Variants in CLPB observed in about 807,000 individuals in gnomAD.
CLPB encodes the protein ClpB family mitochondrial disaggregase.
CLPB carries 40 observed loss-of-function variants against 78.4 expected under a neutral mutation model. That is an observed-to-expected ratio of 0.51 (90% CI 0.40 to 0.66). The LOEUF is 0.66. Ranked by LOEUF, CLPB falls within the 30% of genes least tolerant of loss-of-function variation. The pLI, the probability that CLPB is intolerant of heterozygous loss-of-function variation, is 0.00. For synonymous variants in CLPB, 333 were observed against 348.0 expected (o/e 0.96, Z 0.48); for missense variants, 780 against 886.9 (o/e 0.88, Z 1.53).
intron 5 of CLPB, chr11:72,354,160 C>G: frequency 2.7e-6 from 1 of 366,196 alleles, no homozygotes; most frequent in East Asian, 3.9e-5. Flanking sequence ...AAGATCCTGA[C>G]TCCAATATTC....
rs1949403250 is a variant in CLPB, at chr11:72,287,395, C to T, written c.*5972G>A. ...GCACAGTCTTGGCTCACTGCAACCTCTGCCTCCTGGGCTTAAACCATCTTC... is the reference window on the plus strand; with the variant it reads ...GCACAGTCTTGGCTCACTGCAACCTTTGCCTCCTGGGCTTAAACCATCTTC... On this transcript the variant is annotated 3_prime_UTR_variant, in exon 16 of 16. Transcript: ENST00000538039. 6.6e-6 allele frequency: 1 copy of T among 152,238 alleles called. No individual in the cohort carries two copies. The highest frequency in any genetic ancestry group is 2.4e-5 in the African/African-American group (1 of 41,464). 9.4% of individuals were successfully genotyped at this position (152,238 alleles called of 1,614,324 possible).
chr11:72,380,654 C>T (rs542267452), intron 3 of CLPB, among the ~76,000 whole-genome samples: 1 of 152,176 alleles, frequency 6.6e-6, no homozygotes, highest in Non-Finnish European at 1.5e-5. Flanking sequence ...GTCTGGGCAA[C>T]ATAGTGAAAC....
intron 2 of CLPB, among the ~76,000 whole-genome samples, chr11:72,406,283 C>T (rs903715367): frequency 6.6e-6 from 1 of 152,042 alleles, no homozygotes; most frequent in African/African-American, 2.4e-5. Context: ...CCCATGTTCC[C>T]CTGCCTGGAC....
At chr11:72,301,771 C>T (rs761989244) in intron 11 of CLPB, 32 bp downstream of exon 11, 1 of 1,604,800 alleles carries the variant, frequency 6.2e-7, no homozygotes, top group Non-Finnish European at 8.5e-7. Flanking sequence ...TCCAGGTGTC[C>T]CCCCGCTCCA....
chr11:72,318,057 T>C (rs1319202163), intron 6 of CLPB, among the ~76,000 whole-genome samples: 2 of 152,252 alleles, frequency 1.3e-5, no homozygotes, highest in African/African-American at 4.8e-5. Flanking sequence ...TAGCACTGTA[T>C]CTTTCACTAA....
chr11:72,315,245 G>C (rs921162043), intron 7 of CLPB, among the ~76,000 whole-genome samples: 12 of 152,180 alleles, frequency 7.9e-5, no homozygotes, highest in African/African-American at 2.2e-4. Flanking sequence ...AGGCTGGGGA[G>C]GGGGAGGAGT....
intron 6 of CLPB, among the ~76,000 whole-genome samples, chr11:72,323,287 G>A (rs1014837615): frequency 2.6e-5 from 4 of 152,140 alleles, no homozygotes; most frequent in African/African-American, 7.2e-5. Flanking sequence ...TGTCAAGGTC[G>A]GCTGGGCGTG....
intron 7 of CLPB, among the ~76,000 whole-genome samples, chr11:72,311,864 G>A (rs768160766): frequency 6.6e-6 from 1 of 152,242 alleles, no homozygotes; most frequent in Non-Finnish European, 1.5e-5. Context: ...AGCAGGTAGT[G>A]CCGGGTGCCC....
At chr11:72,342,861 G>A (rs1383995387) in intron 5 of CLPB, among the ~76,000 whole-genome samples, 3 of 152,186 alleles carry the variant, frequency 2.0e-5, no homozygotes, top group Admixed American at 1.3e-4. Flanking sequence ...CTTCAAACAT[G>A]CTAATCCTAC....
chr11:72,434,091 G>A lies in CLPB; in HGVS notation c.384C>T (p.Ser128=), dbSNP rs745934487. 1 of 1,611,164 alleles carries A rather than the reference G, an allele frequency of 6.2e-7. No homozygotes were observed. The highest frequency in any genetic ancestry group is 8.5e-7 in the Non-Finnish European group (1 of 1,179,998). The change falls in exon 1 of 16, where the codon AGC becomes AGT. Residue 128 remains serine (S), a synonymous_variant. Transcript: ENST00000538039. ...LAAALVVHCY[S]KSPSNKDAAL... Reference sequence around the variant, plus strand: ...AATCACCCTTGTTGGACGGACTCTTGCTGTAGCAATGAACCACCAGCGCTG... The same window carrying A: ...AATCACCCTTGTTGGACGGACTCTTACTGTAGCAATGAACCACCAGCGCTG...
chr11:72,342,492 C>T (rs142177326), intron 5 of CLPB, among the ~76,000 whole-genome samples: 5 of 152,102 alleles, frequency 3.3e-5, no homozygotes, highest in Non-Finnish European at 5.9e-5. Context: ...AAAATGTTCA[C>T]GACTTTCCTG....
chr11:72,324,766 A>G (rs1950102649), intron 6 of CLPB, among the ~76,000 whole-genome samples: 1 of 152,084 alleles, frequency 6.6e-6, no homozygotes, highest in South Asian at 2.1e-4. Flanking sequence ...GGGAGGAAGA[A>G]CATAATCCTC....
intron 4 of CLPB, among the ~76,000 whole-genome samples, chr11:72,360,878 G>T (rs936532146): frequency 3.9e-5 from 6 of 152,108 alleles, no homozygotes; most frequent in Non-Finnish European, 8.8e-5. Flanking sequence ...GAGGCTCAGA[G>T]GTCACATAGC....
intron 9 of CLPB, among the ~76,000 whole-genome samples, chr11:72,305,973 A>G (rs1161610617): frequency 6.6e-6 from 1 of 152,230 alleles, no homozygotes; most frequent in Non-Finnish European, 1.5e-5. Context: ...GCCCATAACT[A>G]CATCTTCCCT....
chr11:72,293,232 G>C lies in CLPB; in HGVS notation c.*135C>G. 1 of 1,114,778 alleles carries C rather than the reference G, an allele frequency of 9.0e-7. No individual in the cohort carries two copies. The highest frequency in any genetic ancestry group is 1.3e-6 in the Non-Finnish European group (1 of 782,838). The allele number at this position is 1,114,778 out of a possible 1,614,324, so 69.1% of individuals were successfully genotyped here. On this transcript the variant is annotated 3_prime_UTR_variant, in exon 16 of 16. Transcript: ENST00000538039. ...TTGGGGCTGAGAAGGGGTCTTCATG[G>C]GCTGTGAGGAGGTAAGCAGGCCTGA...
intron 3 of CLPB, among the ~76,000 whole-genome samples, chr11:72,399,073 C>A (rs1855491482): frequency 1.3e-5 from 2 of 149,932 alleles, no homozygotes; most frequent in Admixed American, 1.3e-4. Flanking sequence ...ATATATAAAA[C>A]CATAAATATA....
At chr11:72,377,189 A>G (rs539808666) in intron 4 of CLPB, among the ~76,000 whole-genome samples, 20 of 152,228 alleles carry the variant, frequency 1.3e-4, no homozygotes, top group Non-Finnish European at 2.2e-4. Context: ...GGAGGATGGA[A>G]AAGAATGAAG....
chr11:72,380,122 G>A (rs1854860087), intron 4 of CLPB, among the ~76,000 whole-genome samples, 159 bp downstream of exon 4: 1 of 152,164 alleles, frequency 6.6e-6, no homozygotes, highest in East Asian at 1.9e-4. Flanking sequence ...ACTGTGAAAG[G>A]CAGCTGTTCC....
chr11:72,404,381 C>T (rs1442960881), intron 2 of CLPB, among the ~76,000 whole-genome samples: 1 of 152,210 alleles, frequency 6.6e-6, no homozygotes, highest in Non-Finnish European at 1.5e-5. Context: ...ATTCTTGTGC[C>T]ACGATCTATA....
Sources: allele counts gnomAD v4.1 joint callset (sites outside exome capture counted in the v4.1 genomes callset), GRCh38; gene constraint gnomAD v4.1.1; transcripts MANE v1.5; gene names NCBI Gene and HGNC (gene_info 2026-07-23, HGNC 2026-07-21).